Variants in TCHHL1 observed in about 807,000 individuals in gnomAD.
TCHHL1 encodes trichohyalin like 1.
TCHHL1 carries 1 observed loss-of-function variant against 3.5 expected under a neutral mutation model. The observed-to-expected ratio is 0.29, with a 90% CI of 0.10 to 1.36. TCHHL1 has a LOEUF of 1.36. Among genes scored for constraint, TCHHL1 ranks in the 40% most tolerant of loss-of-function variants. The pLI is 0.43. For missense variants in TCHHL1, 1,027 were observed against 1,032.8 expected (o/e 0.99, Z 0.08); for synonymous variants, 405 against 375.3 (o/e 1.08, Z -0.92).
intron 1 of TCHHL1, among the ~76,000 whole-genome samples, chr1:152,088,738 A>T (rs1451913179): frequency 6.6e-6 from 1 of 152,088 alleles, no homozygotes; most frequent in Middle Eastern, 3.2e-3. Flanking sequence ...CATCCTTTAA[A>T]TGCTTCTACA....
At position 152,085,158 on chromosome 1, in the gene TCHHL1, C is replaced by T. The variant is rs1657694192; in HGVS notation, c.2524G>A (p.Glu842Lys). The change falls in exon 3 of 3, where the codon GAG (glutamate) becomes AAG (lysine). Residue 842 changes from glutamate to lysine, a missense_variant. Coordinates refer to ENST00000368806, the MANE Select transcript of TCHHL1 (RefSeq NM_001008536.2). ...PELCSVSLTS[E>K]ISDCSVFFNY... The stretch of plus-strand genomic sequence containing the variant: ...AAAAAGACAGAACAATCTGAGATCT[C>T]ACTGGTGAGGGATACACTGCAAAGC... 3 of 1,614,142 alleles carry T rather than the reference C, an allele frequency of 1.9e-6. No individual in the cohort carries two copies. Among genetic ancestry groups the T allele is most frequent in the East Asian group, 4.5e-5 (2 of 44,864 alleles).
At chr1:152,087,860 A>T (rs185014264) in intron 2 of TCHHL1, 146 bp downstream of exon 2, 4 of 1,082,190 alleles carry the variant, frequency 3.7e-6, no homozygotes, top group Admixed American at 2.6e-5. Context: ...TGGAACTGAG[A>T]CTGAAAATAG....
rs776376759 is a variant in TCHHL1, at chr1:152,085,055, G to A, written c.2627C>T (p.Pro876Leu). ...DESPAGAQET[P>L]APQALEDKQG... ...CTTATCTTCCAAGGCCTGGGGAGCT[G>A]GTGTTTCCTGTGCACCAGCAGGACT... Residue 876 changes from proline to leucine, a missense_variant, in exon 3 of 3, where the codon CCA (proline) becomes CTA (leucine). This residue lies in a region of TCHHL1 where 673 missense variants were observed against 658.6 expected (regional missense o/e 1.02). Transcript: ENST00000368806. The A allele has an allele frequency of 6.2e-7, 1 of 1,614,046 alleles. No homozygotes were observed. The highest frequency in any genetic ancestry group is 1.7e-5 in the Admixed American group (1 of 60,006).
Position 152,085,796 on chromosome 1 carries a change from G to C in TCHHL1, c.1886C>G (p.Ala629Gly), listed in dbSNP as rs762056212. Reference protein sequence around the residue: ...VQLTEDQEQPARGEHKNQGPG... With the variant: ...VQLTEDQEQPGRGEHKNQGPG... ...GCCTTGATTCTTGTGTTCTCCTCTG[G>C]CAGGCTGTTCCTGGTCCTCTGTGAG... Residue 629 changes from alanine (A) to glycine (G), a missense_variant, in exon 3 of 3, where the codon GCC (alanine) becomes GGC (glycine). This residue lies in a region of TCHHL1 where 673 missense variants were observed against 658.6 expected (regional missense o/e 1.02). Coordinates refer to ENST00000368806, the MANE Select transcript of TCHHL1 (RefSeq NM_001008536.2). The C allele has an allele frequency of 5.6e-6, 9 of 1,613,994 alleles. No individual in the cohort carries two copies. In the East Asian group the frequency reaches 2.0e-4, roughly 36 times the overall value.
chr1:152,086,124 G>C lies in TCHHL1; in HGVS notation c.1558C>G (p.His520Asp), dbSNP rs753655986. Reference protein sequence around the residue: ...VGENTRVTKTHDQPVEEEDGY... With the variant: ...VGENTRVTKTDDQPVEEEDGY... Reference sequence around the variant, plus strand: ...TCCTCCTCCTCAACTGGTTGGTCATGAGTCTTGGTGACCCTAGTATTTTCT... The same window carrying C: ...TCCTCCTCCTCAACTGGTTGGTCATCAGTCTTGGTGACCCTAGTATTTTCT... The change falls in exon 3 of 3, where the codon CAT becomes GAT. Residue 520 changes from histidine to aspartate, a missense_variant. Physicochemically the swap from His to Asp is moderately conservative, Grantham distance 81. Coordinates refer to ENST00000368806, the MANE Select transcript of TCHHL1 (RefSeq NM_001008536.2). 7 of 1,614,220 alleles carry C rather than the reference G, an allele frequency of 4.3e-6. No homozygotes were observed. Among genetic ancestry groups the C allele is most frequent in the Non-Finnish European group, 5.1e-6 (6 of 1,180,044 alleles).
At position 152,085,837 on chromosome 1, in the gene TCHHL1, T is replaced by A; in HGVS notation, c.1845A>T (p.Arg615Ser). 6.2e-7 allele frequency: 1 copy of A among 1,614,226 alleles called. No individual in the cohort carries two copies. Among genetic ancestry groups the A allele is most frequent in the Non-Finnish European group, 8.5e-7 (1 of 1,180,040 alleles). Residue 615 changes from arginine to serine, a missense_variant, in exon 3 of 3, where the codon AGA (arginine) becomes AGT (serine). By Grantham distance (110) the Arg-to-Ser change is moderately radical. Around this residue, in one of 3 missense-constraint regions of TCHHL1, gnomAD observed 673 missense variants for 658.6 expected, o/e 1.02. Coordinates refer to ENST00000368806, the MANE Select transcript of TCHHL1 (RefSeq NM_001008536.2). ...CCTCTGTGAGCTGTACATCCTCTCC[T>A]CTGACTGCTGGTACCACTGCCTCCA... is the stretch of plus-strand genomic sequence containing the variant. ...RALEAVVPAV[R>S]GEDVQLTEDQ... is the part of the protein sequence containing the mutation.
rs759401679 is a variant in TCHHL1, at chr1:152,087,224, C to T, written c.458G>A (p.Gly153Glu). ...TCTCCATGGGTCCACTCTGTTATTT[C>T]CAACTGCTCCACTTTCTTCAGGGAT... ...QLIPEESGAV[G>E]NNRVDPWREA... Residue 153 changes from glycine to glutamate, a missense_variant, in exon 3 of 3, where the codon GGA becomes GAA. By Grantham distance (98) the Gly-to-Glu change is moderately conservative. Coordinates refer to ENST00000368806, the MANE Select transcript of TCHHL1 (RefSeq NM_001008536.2). 3 of 1,614,108 alleles carry T rather than the reference C, an allele frequency of 1.9e-6. No homozygotes were observed. In the East Asian group the frequency reaches 6.7e-5, roughly 36 times the overall value.
Position 152,086,332 on chromosome 1 carries a change from T to C in TCHHL1, c.1350A>G (p.Glu450=), listed in dbSNP as rs1478855435. The C allele has an allele frequency of 5.6e-6, 9 of 1,614,124 alleles. No homozygotes were observed. The highest frequency in any genetic ancestry group is 7.6e-6 in the Non-Finnish European group (9 of 1,180,044). The change falls in exon 3 of 3, where the codon GAA becomes GAG. Residue 450 remains glutamate, a synonymous_variant. Transcript: ENST00000368806. ...KGSETQYLSS[E]GGDQTHPELE... is the part of the protein sequence containing the mutation. The stretch of plus-strand genomic sequence containing the variant: ...GTTCAGGGTGAGTCTGATCTCCTCC[T>C]TCTGAGCTTAGATATTGTGTCTCAG...
rs183880729 is a variant in TCHHL1 at position 152,085,793 on chromosome 1, C to T, written c.1889G>A (p.Arg630Lys). The change falls in exon 3 of 3, where the codon AGA becomes AAA. Residue 630 changes from arginine (R) to lysine (K), a missense_variant. Transcript: ENST00000368806. ...QLTEDQEQPA[R>K]GEHKNQGPGT... is the part of the protein sequence containing the mutation. ...TGGGCCTTGATTCTTGTGTTCTCCT[C>T]TGGCAGGCTGTTCCTGGTCCTCTGT... 298 of 1,614,186 alleles carry T rather than the reference C, an allele frequency of 1.8e-4. 1 individual carries two copies. The East Asian group carries it at 3.8e-3, about 20-fold the overall frequency.
chr1:152,084,818 T>C lies in TCHHL1; in HGVS notation c.*149A>G. The C allele has an allele frequency of 1.2e-6, 1 of 809,312 alleles. No homozygotes were observed. The highest frequency in any genetic ancestry group is 1.9e-6 in the Non-Finnish European group (1 of 525,384). The allele number at this position is 809,312 out of a possible 1,614,324, so 50.1% of individuals were successfully genotyped here. On this transcript the variant is annotated 3_prime_UTR_variant, in exon 3 of 3. Transcript: ENST00000368806. The stretch of plus-strand genomic sequence containing the variant: ...GTTTGCTCAGATGTTTCTTTAGTGG[T>C]GTCCCCCACTGCTGAATATTTTATT...
At chr1:152,087,577 T>G in intron 2 of TCHHL1, 34 bp from the exon 3 acceptor site, 1 of 1,555,890 alleles carries the variant, frequency 6.4e-7, no homozygotes, top group Non-Finnish European at 8.6e-7. Flanking sequence ...TCAGCTTATT[T>G]ATATGTGGTC....
chr1:152,088,147 T>C lies in TCHHL1; in HGVS notation c.-4A>G. The C allele has an allele frequency of 6.4e-7, 1 of 1,568,384 alleles. No individual in the cohort carries two copies. Among genetic ancestry groups the C allele is most frequent in the South Asian group, 1.2e-5 (1 of 83,474 alleles). ...CATTTCTCAGGAGCTGAGGCATCTT[T>C]ACAAACTCAGGAGAGGCTGTGAGAA... On this transcript the variant is annotated 5_prime_UTR_variant, in exon 2 of 3. Transcript: ENST00000368806.
rs1396332264 is a variant in TCHHL1 at position 152,085,827 on chromosome 1, C to T, written c.1855G>A (p.Val619Ile). 6.2e-7 allele frequency: 1 copy of T among 1,614,182 alleles called. No homozygotes were observed. Among genetic ancestry groups the T allele is most frequent in the South Asian group, 1.1e-5 (1 of 91,076 alleles). ...AVVPAVRGED[V>I]QLTEDQEQPA... ...TGTTCCTGGTCCTCTGTGAGCTGTA[C>T]ATCCTCTCCTCTGACTGCTGGTACC... is the stretch of plus-strand genomic sequence containing the variant. The change falls in exon 3 of 3, where the codon GTA becomes ATA. Residue 619 changes from valine (V) to isoleucine (I), a missense_variant. Physicochemically the swap from Val to Ile is conservative, Grantham distance 29. This residue lies in a region of TCHHL1 where 673 missense variants were observed against 658.6 expected (regional missense o/e 1.02). Coordinates refer to ENST00000368806, the MANE Select transcript of TCHHL1 (RefSeq NM_001008536.2).
chr1:152,086,326 T>C lies in TCHHL1; in HGVS notation c.1356A>G (p.Gly452=). The C allele has an allele frequency of 6.2e-7, 1 of 1,614,244 alleles. No homozygotes were observed. Among genetic ancestry groups the C allele is most frequent in the Non-Finnish European group, 8.5e-7 (1 of 1,180,038 alleles). The change falls in exon 3 of 3, where the codon GGA becomes GGG. Residue 452 remains glycine (G), a synonymous_variant. Coordinates refer to ENST00000368806, the MANE Select transcript of TCHHL1 (RefSeq NM_001008536.2). ...CTTCAAGTTCAGGGTGAGTCTGATCTCCTCCTTCTGAGCTTAGATATTGTG... is the reference window on the plus strand; with the variant it reads ...CTTCAAGTTCAGGGTGAGTCTGATCCCCTCCTTCTGAGCTTAGATATTGTG... The part of the protein sequence containing the change: ...SETQYLSSEG[G]DQTHPELEGT...
Position 152,085,337 on chromosome 1 carries a change from A to G in TCHHL1, c.2345T>C (p.Met782Thr), listed in dbSNP as rs757678310. 3.7e-6 allele frequency: 6 copies of G among 1,614,164 alleles called. No homozygotes were observed. The highest frequency in any genetic ancestry group is 1.1e-5 in the South Asian group (1 of 91,084). ...AGAACAGGGCTCTTGGTCTCTCTGC[A>G]TCTGCTTTTCAAGACTTGACCAGGG... ...SVPWSSLEKQ[M>T]QRDQEPCSVE... Residue 782 changes from methionine to threonine, a missense_variant, in exon 3 of 3, where the codon ATG becomes ACG. Physicochemically the swap from Met to Thr is moderately conservative, Grantham distance 81 (BLOSUM62 -1). Coordinates refer to ENST00000368806, the MANE Select transcript of TCHHL1 (RefSeq NM_001008536.2).
chr1:152,086,553 C>T lies in TCHHL1; in HGVS notation c.1129G>A (p.Gly377Ser), dbSNP rs1234065967. The change falls in exon 3 of 3, where the codon GGT becomes AGT. Residue 377 changes from glycine to serine, a missense_variant. Gly to Ser is a moderately conservative substitution (Grantham distance 56). Transcript: ENST00000368806. The stretch of plus-strand genomic sequence containing the variant: ...GATGTTTCTGAACCATTTCTGCTAC[C>T]ATATTGGACTGGCAGGTCCTTTGTT... Reference protein sequence around the residue: ...CETKDLPVQYGSRNGSETSDM... With the variant: ...CETKDLPVQYSSRNGSETSDM... 10 of 1,614,140 alleles carry T rather than the reference C, an allele frequency of 6.2e-6. No individual in the cohort carries two copies. The highest frequency in any genetic ancestry group is 7.6e-6 in the Non-Finnish European group (9 of 1,180,036).
chr1:152,086,087 C>G lies in TCHHL1; in HGVS notation c.1595G>C (p.Gly532Ala). The G allele has an allele frequency of 6.2e-7, 1 of 1,614,146 alleles. No individual in the cohort carries two copies. Among genetic ancestry groups the G allele is most frequent in the Non-Finnish European group, 8.5e-7 (1 of 1,180,028 alleles). The change falls in exon 3 of 3, where the codon GGG becomes GCG. Residue 532 changes from glycine (G) to alanine (A), a missense_variant. Gly to Ala is a moderately conservative substitution (Grantham distance 60, BLOSUM62 0). This residue lies in a region of TCHHL1 where 673 missense variants were observed against 658.6 expected (regional missense o/e 1.02). Coordinates refer to ENST00000368806, the MANE Select transcript of TCHHL1 (RefSeq NM_001008536.2). ...TGTGAATGGTGACTCAGGGTCCTCC[C>G]CCTGGTAACCATCCTCCTCCTCAAC... is the stretch of plus-strand genomic sequence containing the variant. ...QPVEEEDGYQ[G>A]EDPESPFTQS...
chr1:152,087,324 G>A lies in TCHHL1; in HGVS notation c.358C>T (p.Gln120Ter). 1 of 1,613,872 alleles carries A rather than the reference G, an allele frequency of 6.2e-7. No homozygotes were observed. Among genetic ancestry groups the A allele is most frequent in the Non-Finnish European group, 8.5e-7 (1 of 1,179,972 alleles). The change falls in exon 3 of 3, where the codon CAG becomes TAG. Residue 120 changes from glutamine (Q) to a stop codon, truncating the protein, a stop_gained. Coordinates refer to ENST00000368806, the MANE Select transcript of TCHHL1 (RefSeq NM_001008536.2). LOFTEE classifies it low-confidence loss of function (END_TRUNC). Reference protein sequence around the residue: ...VDVQATTGDGQWTVGTSPTQE... With the variant: ...VDVQATTGDG ...GTTGGTGAAGTTCCCACTGTCCACT[G>A]ACCATCTCCGGTGGTTGCCTGAACA...
At position 152,085,274 on chromosome 1, in the gene TCHHL1, T is replaced by A; in HGVS notation, c.2408A>T (p.Gln803Leu). ...RGAVYSSPLY[Q>L]YLQEKILQQT... ...CTGCAGTATCTTCTCCTGTAGGTAC[T>A]GGTATAGTGGACTGGAATAGACTGC... Residue 803 changes from glutamine to leucine, a missense_variant, in exon 3 of 3, where the codon CAG becomes CTG. This residue lies in a region of TCHHL1 where 673 missense variants were observed against 658.6 expected (regional missense o/e 1.02). Transcript: ENST00000368806. 1 of 1,614,210 alleles carries A rather than the reference T, an allele frequency of 6.2e-7. No homozygotes were observed. The highest frequency in any genetic ancestry group is 8.5e-7 in the Non-Finnish European group (1 of 1,180,030).
Sources: gnomAD v4.1 joint callset for allele counts (sites outside exome capture counted in the v4.1 genomes callset) on GRCh38, gnomAD v4.1.1 for gene constraint, gnomAD v4.1.1 regional missense constraint, MANE v1.5 for transcripts, NCBI Gene and HGNC (gene_info 2026-07-23, HGNC 2026-07-21) for gene names.